UBE3C: variants seen among roughly 807,000 people sequenced by gnomAD.
UBE3C encodes the protein ubiquitin protein ligase E3C, also known as ubiquitin-protein ligase E3C.
Under a neutral mutation model 129.4 loss-of-function variants are expected in UBE3C, and 42 were observed. The observed-to-expected ratio is 0.32, with a 90% CI of 0.25 to 0.42. UBE3C has a LOEUF of 0.42. Ranked by LOEUF, UBE3C falls within the 10% of genes least tolerant of loss-of-function variation. UBE3C has a pLI of 1.00. For missense variants in UBE3C, 1,049 were observed against 1,319.1 expected, an observed-to-expected ratio of 0.80 and a Z score of 3.17; for synonymous variants, 510 against 492.4, an observed-to-expected ratio of 1.04 and a Z score of -0.47.
intron 1 of UBE3C, among the ~76,000 whole-genome samples, chr7:157,146,449 C>G (rs1377983961): frequency 2.0e-5 from 3 of 152,000 alleles, no homozygotes; most frequent in Non-Finnish European, 4.4e-5. Flanking sequence ...TCTCGAACTC[C>G]TGACCTCGTG....
intron 3 of UBE3C, among the ~76,000 whole-genome samples, 180 bp from the exon 4 acceptor site, chr7:157,170,124 T>G (rs1036369407): frequency 5.3e-5 from 8 of 151,856 alleles, no homozygotes; most frequent in East Asian, 1.9e-4. Context: ...CTGGTTTTTT[T>G]TTTTTTTTTT....
At chr7:157,195,029 C>G (rs1809077762) in intron 10 of UBE3C, among the ~76,000 whole-genome samples, 2 of 152,226 alleles carry the variant, frequency 1.3e-5, no homozygotes, top group African/African-American at 2.4e-5. Flanking sequence ...GATTCACTGT[C>G]AGGACAGCCT....
At chr7:157,198,200 A>G in intron 10 of UBE3C, 1 of 1,568,086 alleles carries the variant, frequency 6.4e-7, no homozygotes, top group Non-Finnish European at 8.8e-7. Context: ...CTCCATGCAT[A>G]TATTCAGACC....
At chr7:157,248,766 C>A in intron 19 of UBE3C, 186 bp downstream of exon 19, 1 of 614,504 alleles carries the variant, frequency 1.6e-6, no homozygotes, top group Non-Finnish European at 2.8e-6. Flanking sequence ...GAGCTGAGTG[C>A]AGTTCCTGCT....
chr7:157,208,829 A>C (rs1345042920), intron 13 of UBE3C, among the ~76,000 whole-genome samples: 1 of 152,256 alleles, frequency 6.6e-6, no homozygotes, highest in Admixed American at 6.5e-5. Context: ...TTGACTTCCC[A>C]TGAAATTTCT....
intron 4 of UBE3C, among the ~76,000 whole-genome samples, chr7:157,170,994 T>G (rs1307307117): frequency 2.6e-5 from 4 of 151,664 alleles, no homozygotes; most frequent in Non-Finnish European, 5.9e-5. Flanking sequence ...TTTTTTTTTG[T>G]AGAGATGAGG....
rs56270719 is a variant in UBE3C at position 157,245,992 on chromosome 7, CAAAAAAAA to C, written c.2482-2361_2482-2354del. ...CGGGCAACAGAGGGAGACTCCGTCT[CAAAAAAAA>C]AAAAAAAAAAAAAACAGTGTTCTTC... On this transcript the variant is annotated intron_variant, in intron 18 of 22. Coordinates refer to ENST00000348165, the MANE Select transcript of UBE3C (RefSeq NM_014671.3). 1.3e-4 allele frequency among the ~76,000 whole-genome samples: 11 copies of C among 85,590 alleles called. No homozygotes were observed. In the South Asian group the frequency reaches 4.4e-3, roughly 35 times the overall value. 56.2% of individuals were successfully genotyped at this position (85,590 alleles called of 152,430 possible). A position where few individuals can be genotyped will look rare whatever the true frequency, so the allele number is the denominator to read the frequency against.
chr7:157,248,455 C>G lies in UBE3C; in HGVS notation c.2569C>G (p.His857Asp). 1 of 1,613,658 alleles carries G rather than the reference C, an allele frequency of 6.2e-7. No homozygotes were observed. The highest frequency in any genetic ancestry group is 8.5e-7 in the Non-Finnish European group (1 of 1,180,014). ...TGGAACCAGTGCCGACGTGGACATTCACCACCTCGCCTCCCTAGACCCTGA... is the reference window on the plus strand; with the variant it reads ...TGGAACCAGTGCCGACGTGGACATTGACCACCTCGCCTCCCTAGACCCTGA... ...LLGTSADVDI[H>D]HLASLDPEVY... is the part of the protein sequence containing the mutation. The change falls in exon 19 of 23, where the codon CAC becomes GAC. Residue 857 changes from histidine (H) to aspartate (D), a missense_variant. Physicochemically the swap from His to Asp is moderately conservative, Grantham distance 81. Coordinates refer to ENST00000348165, the MANE Select transcript of UBE3C (RefSeq NM_014671.3).
intron 17 of UBE3C, among the ~76,000 whole-genome samples, chr7:157,226,770 G>A (rs796159500): frequency 4.0e-5 from 6 of 150,714 alleles, no homozygotes; most frequent in African/African-American, 1.5e-4. Context: ...CCTTGCCATG[G>A]CCCTCTGATG....
chr7:157,213,353 C>T (rs1009935480), intron 13 of UBE3C, among the ~76,000 whole-genome samples: 4 of 152,250 alleles, frequency 2.6e-5, no homozygotes, highest in African/African-American at 9.6e-5. Flanking sequence ...GTTGAAAACT[C>T]GACTGGCTCC....
At chr7:157,255,888 AAGTT>A (rs1357088709) in intron 21 of UBE3C, among the ~76,000 whole-genome samples, 3 of 152,190 alleles carry the variant, frequency 2.0e-5, no homozygotes, top group Non-Finnish European at 4.4e-5. Flanking sequence ...GAATGATAAT[AAGTT>A]AGAAGGAAAG....
Position 157,239,272 on chromosome 7 carries a change from A to G in UBE3C, c.2481+7945A>G, listed in dbSNP as rs184561843. ...TTCACAAGACTTACTGAATGAACAG[A>G]CTACAGCTACTCAAAATGGTATGAG... is the stretch of plus-strand genomic sequence containing the variant. On this transcript the variant is annotated intron_variant, in intron 18 of 22. Coordinates refer to ENST00000348165, the MANE Select transcript of UBE3C (RefSeq NM_014671.3). Among the ~76,000 whole-genome samples, 163 of 152,344 alleles carry G rather than the reference A, an allele frequency of 1.1e-3. 1 individual carries two copies. The highest frequency in any genetic ancestry group is 2.5e-3 in the East Asian group (13 of 5,190).
chr7:157,222,409 T>A (rs1274412559), intron 15 of UBE3C: 1 of 152,034 alleles, frequency 6.6e-6, no homozygotes, highest in South Asian at 2.1e-4. Flanking sequence ...CCTAACACTT[T>A]ACTTTTTTTT....
At chr7:157,169,373 C>G (rs1222620725) in intron 3 of UBE3C, among the ~76,000 whole-genome samples, 2 of 142,526 alleles carry the variant, frequency 1.4e-5, no homozygotes, top group Non-Finnish European at 3.1e-5. Context: ...ATGAGAGATC[C>G]TTTTTTTTTT....
chr7:157,169,191 T>C, intron 3 of UBE3C, 69 bp downstream of exon 3: 6 of 1,202,760 alleles, frequency 5.0e-6, no homozygotes, highest in Non-Finnish European at 6.0e-6. Context: ...GGTATCTTTG[T>C]ACACCTTGTT....
intron 2 of UBE3C, among the ~76,000 whole-genome samples, chr7:157,165,206 G>A (rs972222824): frequency 4.6e-5 from 7 of 152,052 alleles, no homozygotes; most frequent in Non-Finnish European, 8.8e-5. Context: ...TCTTCCATTA[G>A]TGCTTTTGCT....
intron 11 of UBE3C, among the ~76,000 whole-genome samples, chr7:157,203,991 A>G (rs761234706): frequency 2.0e-5 from 3 of 152,246 alleles, no homozygotes; most frequent in Non-Finnish European, 4.4e-5. Context: ...CACTAGGCCA[A>G]TTTTATAATA....
intron 17 of UBE3C, among the ~76,000 whole-genome samples, chr7:157,227,381 C>T (rs974585490): frequency 3.9e-5 from 6 of 152,080 alleles, no homozygotes; most frequent in African/African-American, 1.2e-4. Context: ...TTCTTACTTA[C>T]CAGCAATTTA....
chr7:157,254,387 T>C lies in UBE3C; in HGVS notation c.2950+77T>C. Reference sequence around the variant, plus strand: ...TTTCCAAAGTAATTTTTATTTTATTTTAATTAATTTATTTATTTTTTTTTT... The same window carrying C: ...TTTCCAAAGTAATTTTTATTTTATTCTAATTAATTTATTTATTTTTTTTTT... On this transcript the variant is annotated intron_variant, in intron 21 of 22. Coordinates refer to ENST00000348165, the MANE Select transcript of UBE3C (RefSeq NM_014671.3). 5 of 673,924 alleles carry C rather than the reference T, an allele frequency of 7.4e-6. 1 individual carries two copies. The highest frequency in any genetic ancestry group is 9.2e-6 in the Non-Finnish European group (5 of 541,590). 41.7% of individuals were successfully genotyped at this position (673,924 alleles called of 1,614,324 possible).
Sources: allele counts gnomAD v4.1 joint callset (sites outside exome capture counted in the v4.1 genomes callset), GRCh38; gene constraint gnomAD v4.1.1; transcripts MANE v1.5; gene names NCBI Gene and HGNC (gene_info 2026-07-23, HGNC 2026-07-21).